The following SLIT1 variants were observed in gnomAD, a reference collection of about 807,000 sequenced individuals.
SLIT1 encodes slit guidance ligand 1.
In SLIT1, 66 loss-of-function variants were observed where a neutral mutation model predicts 186.1. The observed-to-expected ratio is 0.35, with a 90% CI of 0.29 to 0.44. SLIT1 has a LOEUF of 0.44. Among genes scored for constraint, SLIT1 ranks in the 20% least tolerant of loss-of-function variants. SLIT1 has a pLI of 1.00. For synonymous variants in SLIT1, 761 were observed against 833.8 expected, an observed-to-expected ratio of 0.91 and a Z score of 1.50; for missense variants, 1,638 against 2,037.4, an observed-to-expected ratio of 0.80 and a Z score of 3.77.
chr10:97,063,197 C>T (rs1848909113), intron 8 of SLIT1, among the ~76,000 whole-genome samples: 1 of 151,558 alleles, frequency 6.6e-6, no homozygotes, highest in Admixed American at 6.6e-5. Context: ...AGACAAATGC[C>T]ATGGTGAGAA....
At chr10:97,170,129 C>T (rs1430945758) in intron 1 of SLIT1, among the ~76,000 whole-genome samples, 1 of 152,236 alleles carries the variant, frequency 6.6e-6, no homozygotes, top group Non-Finnish European at 1.5e-5. Flanking sequence ...GCGGCTCCCC[C>T]GCCAGGCTGA....
chr10:97,138,104 C>T (rs1849719969), intron 4 of SLIT1, among the ~76,000 whole-genome samples: 1 of 152,088 alleles, frequency 6.6e-6, no homozygotes, highest in South Asian at 2.1e-4. Context: ...TTTTTTTCAG[C>T]CAGAGGCAGA....
At chr10:97,158,029 T>C in intron 3 of SLIT1, 140 bp from the exon 4 acceptor site, 1 of 692,362 alleles carries the variant, frequency 1.4e-6, no homozygotes, top group Non-Finnish European at 2.6e-6. Context: ...CCCAGGGAAA[T>C]TACCTTCTCT....
At position 97,004,923 on chromosome 10, in the gene SLIT1, G is replaced by A; in HGVS notation, c.3580-100C>T. 7.0e-7 allele frequency: 1 copy of A among 1,419,310 alleles called. No individual in the cohort carries two copies. 87.9% of individuals were successfully genotyped at this position (1,419,310 alleles called of 1,614,324 possible). On this transcript the variant is annotated intron_variant, in intron 32 of 36. Coordinates refer to ENST00000266058, the MANE Select transcript of SLIT1 (RefSeq NM_003061.3). This position sits in a 1 kb window ranked among gnomAD's most constrained non-coding sequence, Gnocchi z 5.1. The stretch of plus-strand genomic sequence containing the variant: ...GGGCACCCAAGATTGGAAGAGAGAT[G>A]CTCTGTGCAGAGCGCTCTTCCCCCA...
chr10:97,030,917 G>C (rs41284248), intron 24 of SLIT1, 89 bp from the exon 25 acceptor site: 162,583 of 1,144,128 alleles, frequency 0.14, 14,042 homozygotes, highest in African/African-American at 0.28. Flanking sequence ...TGCAGAGAGG[G>C]GACAGGCCGT....
chr10:97,180,522 C>T lies in SLIT1; in HGVS notation c.197+4956G>A, dbSNP rs140665894. ...CTGTTTCTGTCCAGCACTATTCACC[C>T]GGCACAATGCAGACGTTCAATAGAT... On this transcript the variant is annotated intron_variant, in intron 1 of 36. Coordinates refer to ENST00000266058, the MANE Select transcript of SLIT1 (RefSeq NM_003061.3). 7.5e-3 allele frequency among the ~76,000 whole-genome samples: 1,149 copies of T among 152,328 alleles called. 8 individuals are homozygous for T. The highest frequency in any genetic ancestry group is 0.012 in the Non-Finnish European group (793 of 68,038).
Position 97,010,191 on chromosome 10 carries a change from T to G in SLIT1, c.3341+802A>C, listed in dbSNP as rs909903681. Among the ~76,000 whole-genome samples, 4 of 152,152 alleles carry G rather than the reference T, an allele frequency of 2.6e-5. No individual in the cohort carries two copies. The highest frequency in any genetic ancestry group is 9.7e-5 in the African/African-American group (4 of 41,416). On this transcript the variant is annotated intron_variant, in intron 31 of 36. Coordinates refer to ENST00000266058, the MANE Select transcript of SLIT1 (RefSeq NM_003061.3). This position sits in a 1 kb window ranked among gnomAD's most constrained non-coding sequence, Gnocchi z 4.8. ...TCAACTGATGAGTGGGTAAACAAAA[T>G]GTGGTATGTCCATACGGCAGAACAC...
At chr10:97,055,525 C>A (rs749061561) in intron 13 of SLIT1, among the ~76,000 whole-genome samples, 83 of 152,010 alleles carry the variant, frequency 5.5e-4, no homozygotes, top group Admixed American at 7.2e-4. Context: ...TCATACCTGG[C>A]TACTTTTTAA....
Position 97,060,670 on chromosome 10 carries a change from G to C in SLIT1, c.911C>G (p.Pro304Arg). The change falls in exon 9 of 37, where the codon CCG becomes CGG. Residue 304 changes from proline to arginine, a missense_variant. Pro to Arg is a moderately radical substitution (Grantham distance 103, BLOSUM62 -2). Transcript: ENST00000266058. ...CGTCATGGTCTCGGGCAGGTTGGCCGGGATGGCAGTGAGGCCTTTTCCACG... is the reference window on the plus strand; with the variant it reads ...CGTCATGGTCTCGGGCAGGTTGGCCCGGATGGCAGTGAGGCCTTTTCCACG... ...DCRGKGLTAI[P>R]ANLPETMTEI... is the part of the protein sequence containing the mutation. The C allele has an allele frequency of 6.2e-7, 1 of 1,613,406 alleles. No homozygotes were observed. Among genetic ancestry groups the C allele is most frequent in the Non-Finnish European group, 8.5e-7 (1 of 1,180,046 alleles).
intron 13 of SLIT1, among the ~76,000 whole-genome samples, chr10:97,055,965 C>T (rs1186412750): frequency 6.6e-6 from 1 of 152,192 alleles, no homozygotes; most frequent in Non-Finnish European, 1.5e-5. Context: ...TCATCATCAT[C>T]ACCATCAATA....
chr10:97,164,724 G>A, intron 2 of SLIT1, 95 bp downstream of exon 2: 1 of 923,590 alleles, frequency 1.1e-6, no homozygotes, highest in Non-Finnish European at 1.8e-6. Context: ...GAGGGGCCCA[G>A]ACAGCCCACC....
At position 97,000,914 on chromosome 10, in the gene SLIT1, G is replaced by A. The variant is rs539124887; in HGVS notation, c.*198C>T. On this transcript the variant is annotated 3_prime_UTR_variant, in exon 37 of 37. Transcript: ENST00000266058. ...GAGGGCAGCCCGCAGCTCAGGCCTC[G>A]CCCACCCCCGCTGCCCCCAGCTATG... The A allele has an allele frequency of 2.0e-5, 12 of 591,210 alleles. No individual in the cohort carries two copies. Among genetic ancestry groups the A allele is most frequent in the South Asian group, 1.7e-4 (8 of 48,252 alleles). The allele number at this position is 591,210 out of a possible 1,614,324, so 36.6% of individuals were successfully genotyped here.
At chr10:97,083,644 C>T (rs994108468) in intron 4 of SLIT1, among the ~76,000 whole-genome samples, 6 of 152,162 alleles carry the variant, frequency 3.9e-5, no homozygotes, top group African/African-American at 1.2e-4. Flanking sequence ...CCTGAGCGGC[C>T]GTGCTGCAGA....
intron 26 of SLIT1, among the ~76,000 whole-genome samples, chr10:97,020,708 C>T (rs1206873611): frequency 2.0e-5 from 3 of 152,280 alleles, no homozygotes; most frequent in Non-Finnish European, 2.9e-5. Context: ...GCCACTCAGC[C>T]ACCTGTCTGT....
intron 23 of SLIT1, 130 bp from the exon 24 acceptor site, chr10:97,031,807 A>G: frequency 1.5e-6 from 1 of 688,388 alleles, no homozygotes; most frequent in Non-Finnish European, 2.5e-6. Context: ...GAGGCAGAGC[A>G]GCCGGCAAGT....
chr10:97,179,616 T>C (rs2134746236), intron 1 of SLIT1, among the ~76,000 whole-genome samples: 1 of 152,340 alleles, frequency 6.6e-6, no homozygotes, highest in Non-Finnish European at 1.5e-5. Context: ...TCCTCGTCTC[T>C]ATGGACATCC....
At chr10:97,012,791 AG>A (rs1848423269) in intron 30 of SLIT1, among the ~76,000 whole-genome samples, 1 of 152,170 alleles carries the variant, frequency 6.6e-6, no homozygotes, top group Admixed American at 6.5e-5. Flanking sequence ...CCAGCTAGAC[AG>A]GGGGCTCCTG....
intron 13 of SLIT1, among the ~76,000 whole-genome samples, chr10:97,049,393 C>G (rs1442559819): frequency 6.6e-6 from 1 of 152,248 alleles, no homozygotes; most frequent in Non-Finnish European, 1.5e-5. Context: ...TCTGCCCCCT[C>G]TCTTTCCACT....
Position 97,021,182 on chromosome 10 carries a change from G to A in SLIT1, c.2746+68C>T. The A allele has an allele frequency of 6.7e-6, 10 of 1,488,560 alleles. No individual in the cohort carries two copies. Among genetic ancestry groups the A allele is most frequent in the Non-Finnish European group, 8.2e-6 (9 of 1,091,944 alleles). 92.2% of individuals were successfully genotyped at this position (1,488,560 alleles called of 1,614,324 possible). On this transcript the variant is annotated intron_variant, in intron 26 of 36. Coordinates refer to ENST00000266058, the MANE Select transcript of SLIT1 (RefSeq NM_003061.3). This position sits in a 1 kb window ranked among gnomAD's most constrained non-coding sequence, Gnocchi z 4.5. ...CACCACAGGGACGCAGGCATGTTAG[G>A]AAGGCCCTGCAGTGTTGGGCAAGTT... is the stretch of plus-strand genomic sequence containing the variant.
Sources: allele counts gnomAD v4.1 joint callset (sites outside exome capture counted in the v4.1 genomes callset), GRCh38; gene constraint gnomAD v4.1.1; non-coding constraint Gnocchi (gnomAD v3.1); transcripts MANE v1.5; gene names NCBI Gene and HGNC (gene_info 2026-07-23, HGNC 2026-07-21).